EFNA5: variants seen among roughly 807,000 people sequenced by gnomAD.
The protein encoded by EFNA5 is ephrin-A5.
EFNA5 carries 5 observed loss-of-function variants against 22.9 expected under a neutral mutation model. The ratio of observed to expected loss-of-function variants is 0.22; its 90% CI spans 0.11 to 0.46. EFNA5 has a LOEUF of 0.46. Among genes scored for constraint, EFNA5 ranks in the 20% least tolerant of loss-of-function variants. The pLI is 0.99. For missense variants in EFNA5, 237 were observed against 293.3 expected (o/e 0.81, Z 1.40); for synonymous variants, 113 against 112.2 (o/e 1.01, Z -0.04).
At chr5:107,610,853 T>C (rs1749809491) in intron 1 of EFNA5, among the ~76,000 whole-genome samples, 1 of 152,052 alleles carries the variant, frequency 6.6e-6, no homozygotes, top group African/African-American at 2.4e-5. Flanking sequence ...TATTCAAAGG[T>C]AGAAGACTGA....
chr5:107,402,851 A>T (rs969379021), intron 2 of EFNA5, among the ~76,000 whole-genome samples: 1 of 152,264 alleles, frequency 6.6e-6, no homozygotes, highest in Admixed American at 6.5e-5. Context: ...AGCTTGCCTG[A>T]AGTCGTAACC....
Position 107,381,159 on chromosome 5 carries a change from C to A in EFNA5, c.*96G>T. On this transcript the variant is annotated 3_prime_UTR_variant, in exon 5 of 5. Transcript: ENST00000333274. ...CAAAAATCTGACATCTGCCAAAACC[C>A]AATAACAAGTCCCTTCTTAGGATGA... 1 of 1,468,952 alleles carries A rather than the reference C, an allele frequency of 6.8e-7. No homozygotes were observed. The highest frequency in any genetic ancestry group is 1.4e-5 in the South Asian group (1 of 70,508). The allele number at this position is 1,468,952 out of a possible 1,614,324, so 91.0% of individuals were successfully genotyped here.
chr5:107,604,360 A>G (rs567705681), intron 1 of EFNA5, among the ~76,000 whole-genome samples: 1 of 151,828 alleles, frequency 6.6e-6, no homozygotes, highest in African/African-American at 2.4e-5. Context: ...TTTTTTAACC[A>G]AACCAATTTC....
intron 1 of EFNA5, among the ~76,000 whole-genome samples, chr5:107,476,187 G>T (rs559513169): frequency 2.7e-5 from 4 of 149,286 alleles, no homozygotes; most frequent in African/African-American, 1.0e-4. Context: ...GAGTAGCTGG[G>T]GTTACAGGCA....
At chr5:107,598,187 C>A (rs1175732232) in intron 1 of EFNA5, among the ~76,000 whole-genome samples, 1 of 152,130 alleles carries the variant, frequency 6.6e-6, no homozygotes, top group Non-Finnish European at 1.5e-5. Flanking sequence ...CTCCCCACTA[C>A]CCCTCTCTCA....
chr5:107,388,026 G>A (rs1457022963), intron 2 of EFNA5, among the ~76,000 whole-genome samples: 1 of 152,150 alleles, frequency 6.6e-6, no homozygotes, highest in Non-Finnish European at 1.5e-5. Flanking sequence ...AATCTGTGAA[G>A]AAATACTTTG....
intron 1 of EFNA5, among the ~76,000 whole-genome samples, chr5:107,565,149 G>A (rs1045975991): frequency 6.6e-6 from 1 of 152,000 alleles, no homozygotes; most frequent in East Asian, 1.9e-4. Flanking sequence ...GTGGTTTCAG[G>A]GTGAGGATGA....
intron 2 of EFNA5, among the ~76,000 whole-genome samples, chr5:107,419,547 T>C (rs1220702339): frequency 2.0e-5 from 3 of 152,234 alleles, no homozygotes; most frequent in Non-Finnish European, 4.4e-5. Context: ...GACTAAGATG[T>C]ACTTTGCATC....
intron 1 of EFNA5, among the ~76,000 whole-genome samples, chr5:107,633,271 C>A (rs1750297560): frequency 6.6e-6 from 1 of 152,210 alleles, no homozygotes; most frequent in African/African-American, 2.4e-5. Flanking sequence ...TACAAGTAAG[C>A]CAGCCAGTTC....
chr5:107,566,498 A>C (rs530247502), intron 1 of EFNA5, among the ~76,000 whole-genome samples: 2 of 152,342 alleles, frequency 1.3e-5, no homozygotes, highest in South Asian at 4.1e-4. Context: ...GTCTGCTTAA[A>C]AAATAAAACA....
chr5:107,509,421 C>T (rs866564092), intron 1 of EFNA5, among the ~76,000 whole-genome samples: 13 of 151,484 alleles, frequency 8.6e-5, no homozygotes, highest in East Asian at 3.9e-4. Context: ...AGGATTCAAG[C>T]GATTCTCCTC....
intron 1 of EFNA5, among the ~76,000 whole-genome samples, chr5:107,609,463 C>T (rs1202907254): frequency 6.6e-6 from 1 of 151,978 alleles, no homozygotes; most frequent in Non-Finnish European, 1.5e-5. Flanking sequence ...TTAACATTAG[C>T]GGCAGGAGTA....
intron 1 of EFNA5, among the ~76,000 whole-genome samples, chr5:107,485,158 T>C (rs2112405664): frequency 6.6e-6 from 1 of 152,338 alleles, no homozygotes; most frequent in South Asian, 2.1e-4. Context: ...CTTGCACTTC[T>C]ATTCAAATCC....
intron 1 of EFNA5, among the ~76,000 whole-genome samples, chr5:107,589,419 T>C (rs976470069): frequency 3.3e-5 from 5 of 152,064 alleles, no homozygotes; most frequent in South Asian, 2.1e-4. Flanking sequence ...GCCCTGCTAA[T>C]AGGCAAGTGA....
chr5:107,473,266 T>A (rs1380427743), intron 1 of EFNA5, among the ~76,000 whole-genome samples: 1 of 126,108 alleles, frequency 7.9e-6, no homozygotes, highest in African/African-American at 2.6e-5. Context: ...GGTCTGATTT[T>A]TTTTTTTTTT....
At chr5:107,481,649 G>T (rs762814054) in intron 1 of EFNA5, among the ~76,000 whole-genome samples, 2 of 151,832 alleles carry the variant, frequency 1.3e-5, no homozygotes, top group Non-Finnish European at 2.9e-5. Context: ...CAGAGTTAGA[G>T]ACCAGCCTGG....
chr5:107,483,354 G>A (rs1356784180), intron 1 of EFNA5, among the ~76,000 whole-genome samples: 1 of 152,044 alleles, frequency 6.6e-6, no homozygotes, highest in Non-Finnish European at 1.5e-5. Flanking sequence ...AGTTTTCAAC[G>A]ACACCACATG....
chr5:107,407,480 A>C (rs1266406909), intron 2 of EFNA5, among the ~76,000 whole-genome samples: 1 of 152,188 alleles, frequency 6.6e-6, no homozygotes, highest in African/African-American at 2.4e-5. Context: ...GTGGCTCACC[A>C]AAGTTCATCT....
chr5:107,599,415 G>A (rs1749543574), intron 1 of EFNA5, among the ~76,000 whole-genome samples: 1 of 152,102 alleles, frequency 6.6e-6, no homozygotes, highest in Non-Finnish European at 1.5e-5. Flanking sequence ...ACATATATTT[G>A]CATATGCTTG....
Sources: gnomAD v4.1 joint callset for allele counts (sites outside exome capture counted in the v4.1 genomes callset) on GRCh38, gnomAD v4.1.1 for gene constraint, MANE v1.5 for transcripts, NCBI Gene and HGNC (gene_info 2026-07-23, HGNC 2026-07-21) for gene names.